The following ATG10 variants were observed in gnomAD, a reference collection of about 807,000 sequenced individuals.
ATG10 encodes the protein autophagy related 10.
A neutral mutation model predicts 32.1 loss-of-function variants in ATG10; 30 were observed. The ratio of observed to expected loss-of-function variants is 0.94; its 90% CI spans 0.70 to 1.27. ATG10 has a LOEUF of 1.27. Ranked by LOEUF, ATG10 falls within the 50% of genes most tolerant of loss-of-function variation. The pLI is 0.00. For missense variants in ATG10, 233 were observed against 262.3 expected, an observed-to-expected ratio of 0.89 and a Z score of 0.77; for synonymous variants, 87 against 91.5, an observed-to-expected ratio of 0.95 and a Z score of 0.28.
At position 82,197,725 on chromosome 5, in the gene ATG10, TCTA is replaced by T. The variant is rs761896158; in HGVS notation, c.453+19139_453+19141del. On this transcript the variant is annotated intron_variant, in intron 5 of 7. Transcript: ENST00000282185. ...TATTTTCTTTCTTTCTTTCTTTCTA[TCTA>T]TCTATCTATCTATCTATCTATCTAT... 5.2e-3 allele frequency among the ~76,000 whole-genome samples: 278 copies of T among 53,876 alleles called. 1 individual carries two copies. Among genetic ancestry groups the T allele is most frequent in the South Asian group, 0.014 (24 of 1,736 alleles). 35.3% of individuals were successfully genotyped at this position (53,876 alleles called of 152,430 possible).
intron 2 of ATG10, among the ~76,000 whole-genome samples, chr5:81,989,661 C>T (rs1352344450): frequency 2.6e-5 from 4 of 151,638 alleles, no homozygotes; most frequent in Non-Finnish European, 5.9e-5. Flanking sequence ...TGCAGTGGCA[C>T]GATCTCAGCT....
intron 3 of ATG10, among the ~76,000 whole-genome samples, chr5:82,076,518 G>A (rs1764276760): frequency 6.6e-6 from 1 of 152,100 alleles, no homozygotes; most frequent in South Asian, 2.1e-4. Flanking sequence ...TTTACCTTAG[G>A]TTTCATGGCC....
intron 3 of ATG10, among the ~76,000 whole-genome samples, chr5:82,072,368 A>G (rs893466013): frequency 6.6e-6 from 1 of 152,148 alleles, no homozygotes. Context: ...TCTGGGAAGC[A>G]GCTGAGTGGA....
intron 3 of ATG10, among the ~76,000 whole-genome samples, chr5:82,059,656 GAA>G (rs1763705954): frequency 9.1e-4 from 2 of 2,188 alleles, no homozygotes; most frequent in African/African-American, 3.5e-3. Context: ...TGAAAGAGGT[GAA>G]TTTTTGTGTG....
intron 5 of ATG10, among the ~76,000 whole-genome samples, chr5:82,226,033 T>C (rs1317199878): frequency 6.6e-6 from 1 of 152,198 alleles, no homozygotes; most frequent in African/African-American, 2.4e-5. Flanking sequence ...TTCATATTTA[T>C]TCTTACTTTC....
chr5:82,141,887 C>T (rs972759323), intron 3 of ATG10, among the ~76,000 whole-genome samples: 1 of 151,860 alleles, frequency 6.6e-6, no homozygotes, highest in Non-Finnish European at 1.5e-5. Flanking sequence ...GGGATAGCCT[C>T]CCTCATATCA....
At chr5:82,199,403 A>G (rs1444179348) in intron 5 of ATG10, among the ~76,000 whole-genome samples, 1 of 152,208 alleles carries the variant, frequency 6.6e-6, no homozygotes, top group African/African-American at 2.4e-5. Flanking sequence ...AAATTTCCCA[A>G]GTCTTGACAG....
chr5:82,128,173 T>C (rs570448092), intron 3 of ATG10, among the ~76,000 whole-genome samples: 3 of 152,238 alleles, frequency 2.0e-5, no homozygotes, highest in East Asian at 3.9e-4. Context: ...ATTTTGAGCC[T>C]ATGTGTGTCT....
intron 3 of ATG10, among the ~76,000 whole-genome samples, chr5:82,152,193 C>T (rs1767630048): frequency 6.6e-6 from 1 of 152,224 alleles, no homozygotes; most frequent in Non-Finnish European, 1.5e-5. Flanking sequence ...ACCCAGGGCT[C>T]TTTGACTTGG....
chr5:82,197,744 A>C (rs1189458344), intron 5 of ATG10, among the ~76,000 whole-genome samples: 1 of 148,940 alleles, frequency 6.7e-6, no homozygotes, highest in Non-Finnish European at 1.5e-5. Flanking sequence ...CTATCTATCT[A>C]TCTATCTATC....
chr5:82,049,961 T>G (rs1462768087), intron 2 of ATG10, among the ~76,000 whole-genome samples: 1 of 152,156 alleles, frequency 6.6e-6, no homozygotes, highest in Admixed American at 6.5e-5. Flanking sequence ...CATGATTTCA[T>G]TTAAAAATGT....
chr5:82,227,149 A>T (rs1158110929), intron 5 of ATG10, among the ~76,000 whole-genome samples: 1 of 151,986 alleles, frequency 6.6e-6, no homozygotes, highest in South Asian at 2.1e-4. Flanking sequence ...CCTCTTGTAA[A>T]ATCCATCTGC....
At chr5:82,153,410 A>T (rs1198124858) in intron 3 of ATG10, among the ~76,000 whole-genome samples, 1 of 152,208 alleles carries the variant, frequency 6.6e-6, no homozygotes, top group Admixed American at 6.5e-5. Flanking sequence ...TGGGGGCAAC[A>T]GAAAGTGTAG....
intron 5 of ATG10, among the ~76,000 whole-genome samples, chr5:82,219,617 G>T (rs768469147): frequency 6.6e-6 from 1 of 152,154 alleles, no homozygotes; most frequent in African/African-American, 2.4e-5. Flanking sequence ...AACCAATACA[G>T]CTGCACCATT....
intron 3 of ATG10, among the ~76,000 whole-genome samples, chr5:82,104,617 G>A (rs564152258): frequency 6.6e-6 from 1 of 152,140 alleles, no homozygotes; most frequent in Non-Finnish European, 1.5e-5. Flanking sequence ...GTCATATTGG[G>A]ATTAGCTGAA....
chr5:82,107,124 T>A lies in ATG10; in HGVS notation c.216+48522T>A, dbSNP rs1287454234. Among the ~76,000 whole-genome samples the A allele has an allele frequency of 7.2e-5, 11 of 152,144 alleles. No homozygotes were observed. The South Asian group carries it at 1.9e-3, about 26-fold the overall frequency. ...TTATGTTCCTAATCAATTTTAAAAA[T>A]ATATATATAGATTAAATAGAAAGCA... On this transcript the variant is annotated intron_variant, in intron 3 of 7. Coordinates refer to ENST00000282185, the MANE Select transcript of ATG10 (RefSeq NM_031482.5).
chr5:82,101,285 G>A (rs1399771730), intron 3 of ATG10, among the ~76,000 whole-genome samples: 1 of 152,114 alleles, frequency 6.6e-6, no homozygotes, highest in East Asian at 1.9e-4. Context: ...AGATCACCTT[G>A]TGGTAAGTTG....
chr5:82,106,357 A>G (rs1765443886), intron 3 of ATG10, among the ~76,000 whole-genome samples: 1 of 152,124 alleles, frequency 6.6e-6, no homozygotes, highest in Non-Finnish European at 1.5e-5. Flanking sequence ...GGATCATAGC[A>G]GCTTGCTCAT....
chr5:82,169,496 T>C (rs977148664), intron 4 of ATG10, among the ~76,000 whole-genome samples: 4 of 152,012 alleles, frequency 2.6e-5, no homozygotes, highest in African/African-American at 4.8e-5. Flanking sequence ...GCTTGTTGAA[T>C]AGGAAGAAAA....
Sources: allele counts gnomAD v4.1 joint callset (sites outside exome capture counted in the v4.1 genomes callset), GRCh38; gene constraint gnomAD v4.1.1; transcripts MANE v1.5; gene names NCBI Gene and HGNC (gene_info 2026-07-23, HGNC 2026-07-21).